Variants in POU3F3 observed in about 807,000 individuals in gnomAD.
POU3F3 encodes POU domain, class 3, transcription factor 3.
POU3F3 carries 1 observed loss-of-function variant against 8.6 expected under a neutral mutation model. That is an observed-to-expected ratio of 0.12 (90% CI 0.04 to 0.55). POU3F3 has a LOEUF of 0.55. Ranked by LOEUF, POU3F3 falls within the 20% of genes least tolerant of loss-of-function variation. The pLI, the probability that POU3F3 is intolerant of heterozygous loss-of-function variation, is 0.91. For missense variants in POU3F3, 577 were observed against 690.7 expected (o/e 0.84, Z 1.84); for synonymous variants, 418 against 327.4 (o/e 1.28, Z -2.99).
At chr2:104,927,367 C>T in the POU3F3 span, among the ~76,000 whole-genome samples, 2 of 149,022 alleles carry the variant, frequency 1.3e-5, no homozygotes, top group African/African-American at 5.0e-5. Flanking sequence ...GATGAGAAGG[C>T]AGGGAGAAAG....
the POU3F3 span, among the ~76,000 whole-genome samples, chr2:104,913,191 C>CTT: frequency 1.5e-4 from 22 of 146,360 alleles, no homozygotes; most frequent in African/African-American, 3.3e-4. Flanking sequence ...GGCCTGTTGG[C>CTT]TTTTTTTTTT....
the POU3F3 span, among the ~76,000 whole-genome samples, chr2:104,872,877 G>A: frequency 4.6e-5 from 7 of 152,126 alleles, no homozygotes; most frequent in East Asian, 1.9e-4. This position sits in a 1 kb window ranked among gnomAD's most constrained non-coding sequence, Gnocchi z 4.6. Context: ...TATTTTAGAG[G>A]GGTTTGGAGA....
chr2:104,905,511 GT>G, the POU3F3 span, among the ~76,000 whole-genome samples: 2 of 152,164 alleles, frequency 1.3e-5, no homozygotes, highest in African/African-American at 2.4e-5. Context: ...GTGTGTATTA[GT>G]TTTCTGTGAC....
At chr2:104,891,794 C>T in the POU3F3 span, among the ~76,000 whole-genome samples, 2 of 152,176 alleles carry the variant, frequency 1.3e-5, no homozygotes, top group Admixed American at 6.5e-5. Context: ...TTTAAAGGCG[C>T]AGTCTCCCCG....
chr2:104,856,343 C>G lies in POU3F3; in HGVS notation c.833C>G (p.Ala278Gly). Residue 278 changes from alanine to glycine, a missense_variant, in exon 1 of 1, where the codon GCG becomes GGG. By Grantham distance (60) the Ala-to-Gly change is moderately conservative. Transcript: ENST00000361360. ...CACCACCACCACCACCACCACCACG[C>G]GCATCCTCACCCGCCGCACCCGCAC... is the stretch of plus-strand genomic sequence containing the variant. ...AEHHHHHHHH[A>G]HPHPPHPHHA... The G allele has an allele frequency of 1.3e-6, 2 of 1,511,482 alleles. No homozygotes were observed. The highest frequency in any genetic ancestry group is 1.4e-5 in the African/African-American group (1 of 72,036). 93.6% of individuals were successfully genotyped at this position (1,511,482 alleles called of 1,614,324 possible). A position where few individuals can be genotyped will look rare whatever the true frequency, so the allele number is the denominator to read the frequency against.
the POU3F3 span, among the ~76,000 whole-genome samples, chr2:104,878,060 G>A: frequency 6.6e-6 from 1 of 152,168 alleles, no homozygotes; most frequent in Non-Finnish European, 1.5e-5. Context: ...CTGGATGCTG[G>A]CAGTTAAGTA....
At chr2:104,909,232 G>A in the POU3F3 span, among the ~76,000 whole-genome samples, 4 of 152,200 alleles carry the variant, frequency 2.6e-5, no homozygotes, top group East Asian at 5.8e-4. Flanking sequence ...GGCCTTAGTC[G>A]GCTCCCAAGT....
At chr2:104,892,614 T>A in the POU3F3 span, among the ~76,000 whole-genome samples, 1 of 151,528 alleles carries the variant, frequency 6.6e-6, no homozygotes, top group South Asian at 2.1e-4. Context: ...TACAAGTGCA[T>A]GCAACCACTC....
the POU3F3 span, among the ~76,000 whole-genome samples, chr2:104,871,510 G>A: frequency 6.6e-6 from 1 of 152,186 alleles, no homozygotes; most frequent in Non-Finnish European, 1.5e-5. Flanking sequence ...TTAATTGCTT[G>A]ATCTGATTGG....
chr2:104,877,363 C>G, the POU3F3 span, among the ~76,000 whole-genome samples: 2 of 152,208 alleles, frequency 1.3e-5, no homozygotes, highest in African/African-American at 4.8e-5. Context: ...CAAAGTGTAT[C>G]CTTAACACAC....
At chr2:104,900,785 G>T in the POU3F3 span, among the ~76,000 whole-genome samples, 1 of 152,198 alleles carries the variant, frequency 6.6e-6, no homozygotes, top group Non-Finnish European at 1.5e-5. Flanking sequence ...GGCCAGGAAG[G>T]TAAATGCTAA....
chr2:104,854,791 G>A lies in POU3F3; in HGVS notation c.-720G>A, dbSNP rs897201531. Among the ~76,000 whole-genome samples the A allele has an allele frequency of 6.6e-6, 1 of 152,144 alleles. No homozygotes were observed. The highest frequency in any genetic ancestry group is 2.4e-5 in the African/African-American group (1 of 41,420). The stretch of plus-strand genomic sequence containing the variant: ...GCAGCCAGCAGCACCACGCCTTCAA[G>A]GACGAAAAAGTTTTACTACTCTAAG... On this transcript the variant is annotated 5_prime_UTR_variant, in exon 1 of 1. Coordinates refer to ENST00000361360, the MANE Select transcript of POU3F3 (RefSeq NM_006236.3). This position sits in a 1 kb window ranked among gnomAD's most constrained non-coding sequence, Gnocchi z 4.5.
chr2:104,863,548 A>C (rs950410080), downstream of POU3F3, among the ~76,000 whole-genome samples: 1 of 152,066 alleles, frequency 6.6e-6, no homozygotes, highest in African/African-American at 2.4e-5. Context: ...AGAGGGGCTG[A>C]GTTCAAGGCC....
chr2:104,913,975 G>C, the POU3F3 span, among the ~76,000 whole-genome samples: 1 of 152,198 alleles, frequency 6.6e-6, no homozygotes, highest in Non-Finnish European at 1.5e-5. Context: ...GAAACCCCTG[G>C]AAGATACAGA....
rs1366203935 is a variant in POU3F3, at chr2:104,856,861, C to A, written c.1351C>A (p.Arg451=). ...CCTGCAGCTCGAGAAGGAGGTGGTG[C>A]GGGTCTGGTTCTGCAATCGGCGCCA... ...DSLQLEKEVV[R]VWFCNRRQKE... The change falls in exon 1 of 1, where the codon CGG becomes AGG. Residue 451 remains arginine, a synonymous_variant. Transcript: ENST00000361360. The A allele has an allele frequency of 4.3e-6, 7 of 1,613,936 alleles. No homozygotes were observed. In the Admixed American group the frequency reaches 1.2e-4, roughly 27 times the overall value.
At chr2:104,878,072 T>A in the POU3F3 span, among the ~76,000 whole-genome samples, 1 of 152,160 alleles carries the variant, frequency 6.6e-6, no homozygotes, top group African/African-American at 2.4e-5. Context: ...AGTTAAGTAA[T>A]CTGGGAACTT....
rs1452907186 is a variant in POU3F3 at position 104,857,987 on chromosome 2, AGGCCC to A, written c.*979_*983del. ...GCCCAGCCAGCGAGGCCGCCGAGCCAGGCCCGGCCGCGTACCCAGGCTTTGACGGC... is the reference window on the plus strand; with the variant it reads ...GCCCAGCCAGCGAGGCCGCCGAGCCAGGCCGCGTACCCAGGCTTTGACGGC... On this transcript the variant is annotated 3_prime_UTR_variant, in exon 1 of 1. Coordinates refer to ENST00000361360, the MANE Select transcript of POU3F3 (RefSeq NM_006236.3). The A allele has an allele frequency of 6.6e-6, 1 of 152,232 alleles. No homozygotes were observed. Among genetic ancestry groups the A allele is most frequent in the African/African-American group, 2.4e-5 (1 of 41,456 alleles). 9.4% of individuals were successfully genotyped at this position (152,232 alleles called of 1,614,324 possible).
the POU3F3 span, among the ~76,000 whole-genome samples, chr2:104,871,236 G>A: frequency 3.3e-5 from 5 of 152,206 alleles, no homozygotes; most frequent in African/African-American, 1.2e-4. Flanking sequence ...GCGTAACTTG[G>A]CAGAGCCAGA....
chr2:104,884,661 T>G, the POU3F3 span, among the ~76,000 whole-genome samples: 1 of 151,752 alleles, frequency 6.6e-6, no homozygotes, highest in Non-Finnish European at 1.5e-5. Flanking sequence ...CAACAAAGGG[T>G]GTGGTGTTGT....
Sources: gnomAD v4.1 joint callset for allele counts (sites outside exome capture counted in the v4.1 genomes callset) on GRCh38, gnomAD v4.1.1 for gene constraint, Gnocchi (gnomAD v3.1) non-coding constraint, MANE v1.5 for transcripts, NCBI Gene and HGNC (gene_info 2026-07-23, HGNC 2026-07-21) for gene names.